The following CTDP1 variants were observed in gnomAD, a reference collection of about 807,000 sequenced individuals.
CTDP1 encodes the protein RNA polymerase II subunit A C-terminal domain phosphatase.
Under a neutral mutation model 91.8 loss-of-function variants are expected in CTDP1, and 47 were observed. The ratio of observed to expected loss-of-function variants is 0.51; its 90% CI spans 0.41 to 0.65. CTDP1 has a LOEUF of 0.65. Ranked by LOEUF, CTDP1 falls within the 30% of genes least tolerant of loss-of-function variation. The pLI, the probability that CTDP1 is intolerant of heterozygous loss-of-function variation, is 0.00. For missense variants in CTDP1, 1,272 were observed against 1,373.7 expected (o/e 0.93, Z 1.17); for synonymous variants, 656 against 598.5 (o/e 1.10, Z -1.40).
chr18:79,738,020 G>A (rs1273059767), intron 12 of CTDP1, among the ~76,000 whole-genome samples: 2 of 13,434 alleles, frequency 1.5e-4, no homozygotes, highest in East Asian at 1.9e-3. Context: ...GCAGGTCCCC[G>A]CCTCCCCCCG....
upstream of CTDP1, chr18:79,679,708 G>A (rs2085311314): frequency 1.9e-6 from 1 of 516,284 alleles, no homozygotes. Context: ...TTGGTCCCAG[G>A]ACGGAGCCGG....
In CTDP1 at chr18:79,711,397, G is replaced by A. The variant is rs566657910; in HGVS notation, c.863+961G>A. On this transcript the variant is annotated intron_variant, in intron 6 of 12. Coordinates refer to ENST00000613122, the MANE Select transcript of CTDP1 (RefSeq NM_004715.5). ...AAGGATTTGGCCCTTTTGCCTCTGA[G>A]TATCCAGGGAATGGCCAGGGCTCCT... Among the ~76,000 whole-genome samples the A allele has an allele frequency of 3.9e-5, 6 of 152,254 alleles. No individual in the cohort carries two copies. In the East Asian group the frequency reaches 7.7e-4, roughly 20 times the overall value.
rs1343631593 is a variant in CTDP1, at chr18:79,717,572, C to T, written c.2106C>T (p.His702=). 3 of 1,613,866 alleles carry T rather than the reference C, an allele frequency of 1.9e-6. No individual in the cohort carries two copies. The highest frequency in any genetic ancestry group is 2.5e-6 in the Non-Finnish European group (3 of 1,179,962). ...EKVLQAQECG[H]LHVVNPDWLW... is the part of the protein sequence containing the mutation. ...TGCTGCAGGCACAGGAGTGCGGACACCTGCACGTGGTCAACCCTGACTGGC... is the reference window on the plus strand; with the variant it reads ...TGCTGCAGGCACAGGAGTGCGGACATCTGCACGTGGTCAACCCTGACTGGC... Residue 702 remains histidine, a synonymous_variant, in exon 9 of 13, where the codon CAC becomes CAT. Coordinates refer to ENST00000613122, the MANE Select transcript of CTDP1 (RefSeq NM_004715.5).
chr18:79,691,217 CA>C (rs765445736), intron 1 of CTDP1, among the ~76,000 whole-genome samples: 3 of 152,232 alleles, frequency 2.0e-5, no homozygotes, highest in Non-Finnish European at 2.9e-5. Flanking sequence ...CTGTTGGTGA[CA>C]GCAGGCAGTG....
intron 1 of CTDP1, among the ~76,000 whole-genome samples, chr18:79,692,999 G>A (rs911103196): frequency 1.3e-5 from 2 of 152,218 alleles, no homozygotes; most frequent in African/African-American, 2.4e-5. Flanking sequence ...CGGTGGGGCC[G>A]CAGAGCCCTG....
chr18:79,751,896 TTCTC>T (rs1309950816), intron 12 of CTDP1, among the ~76,000 whole-genome samples: 3 of 152,256 alleles, frequency 2.0e-5, no homozygotes, highest in African/African-American at 7.2e-5. Flanking sequence ...TGTCCCTAGT[TTCTC>T]TCAGTGACTT....
intron 8 of CTDP1, among the ~76,000 whole-genome samples, chr18:79,716,654 T>C (rs2086215546): frequency 6.6e-6 from 1 of 152,162 alleles, no homozygotes; most frequent in Non-Finnish European, 1.5e-5. Context: ...CTCCTGAGCA[T>C]GGAGCTGGGC....
chr18:79,679,364 G>C, upstream of CTDP1: 1 of 452,222 alleles, frequency 2.2e-6, no homozygotes, highest in African/African-American at 2.0e-5. Context: ...GGCATGCCGG[G>C]ACCCGTAGTC....
chr18:79,750,512 G>T (rs1375669104), intron 12 of CTDP1, among the ~76,000 whole-genome samples: 1 of 146,438 alleles, frequency 6.8e-6, no homozygotes, highest in African/African-American at 2.5e-5. Context: ...TTTCCCCCCC[G>T]AGACAGAGTC....
At chr18:79,711,316 G>A (rs1392221740) in intron 6 of CTDP1, among the ~76,000 whole-genome samples, 2 of 152,208 alleles carry the variant, frequency 1.3e-5, no homozygotes. Flanking sequence ...CTGGCATCGA[G>A]ATTTGTGGTT....
chr18:79,693,734 G>T (rs938070733), intron 1 of CTDP1, among the ~76,000 whole-genome samples: 5 of 152,152 alleles, frequency 3.3e-5, no homozygotes, highest in African/African-American at 1.2e-4. Flanking sequence ...TCCTCCTCCA[G>T]GGTGATCCGC....
intron 4 of CTDP1, among the ~76,000 whole-genome samples, chr18:79,702,297 G>A (rs1208693926): frequency 6.6e-6 from 1 of 152,200 alleles, no homozygotes; most frequent in Non-Finnish European, 1.5e-5. Context: ...GAGACCCTGC[G>A]CCGACAGAAA....
chr18:79,719,044 G>T (rs1198764234), intron 10 of CTDP1, among the ~76,000 whole-genome samples: 1 of 152,234 alleles, frequency 6.6e-6, no homozygotes, highest in Non-Finnish European at 1.5e-5. Context: ...GCCAGGGCGT[G>T]GCCTTCGCAC....
intron 10 of CTDP1, among the ~76,000 whole-genome samples, chr18:79,720,576 G>A (rs1256447475): frequency 1.3e-5 from 2 of 152,182 alleles, no homozygotes; most frequent in African/African-American, 2.4e-5. Flanking sequence ...ATCGTGTCCT[G>A]GTGATGTCAC....
chr18:79,686,823 G>T (rs2085504751), intron 1 of CTDP1, among the ~76,000 whole-genome samples: 1 of 151,422 alleles, frequency 6.6e-6, no homozygotes, highest in Non-Finnish European at 1.5e-5. Context: ...CCAGTTCACT[G>T]GTGGGCCTGC....
At chr18:79,743,540 A>AAAC (rs1368104452) in intron 12 of CTDP1, among the ~76,000 whole-genome samples, 5 of 150,746 alleles carry the variant, frequency 3.3e-5, no homozygotes, top group African/African-American at 7.3e-5. Context: ...AAAAAAAAAA[A>AAAC]AAAACAGTGA....
At chr18:79,731,127 C>T (rs758343755) in intron 11 of CTDP1, among the ~76,000 whole-genome samples, 76 of 152,286 alleles carry the variant, frequency 5.0e-4, no homozygotes, top group Non-Finnish European at 8.5e-4. Flanking sequence ...TGGAGGCTGC[C>T]GTGGCCCCTC....
At chr18:79,706,449 A>C (rs951711008) in intron 5 of CTDP1, among the ~76,000 whole-genome samples, 1 of 152,172 alleles carries the variant, frequency 6.6e-6, no homozygotes, top group Non-Finnish European at 1.5e-5. Flanking sequence ...CTCAAACCAG[A>C]CAACTGAGCG....
At chr18:79,749,277 TC>T (rs1599325755) in intron 12 of CTDP1, among the ~76,000 whole-genome samples, 1 of 151,890 alleles carries the variant, frequency 6.6e-6, no homozygotes, top group South Asian at 2.1e-4. Flanking sequence ...TGCCCCAGGG[TC>T]CCGCCTGGCT....
Sources: gnomAD v4.1 joint callset for allele counts (sites outside exome capture counted in the v4.1 genomes callset) on GRCh38, gnomAD v4.1.1 for gene constraint, MANE v1.5 for transcripts, NCBI Gene and HGNC (gene_info 2026-07-23, HGNC 2026-07-21) for gene names.